PPP2CA: variants seen among roughly 807,000 people sequenced by gnomAD.
PPP2CA encodes protein phosphatase 2 catalytic subunit alpha.
Under a neutral mutation model 38.8 loss-of-function variants are expected in PPP2CA, and 5 were observed. That is an observed-to-expected ratio of 0.13 (90% CI 0.07 to 0.27). The LOEUF is 0.27. Among genes scored for constraint, PPP2CA ranks in the 10% least tolerant of loss-of-function variants. The pLI, the probability that PPP2CA is intolerant of heterozygous loss-of-function variation, is 1.00. For missense variants in PPP2CA, 88 were observed against 389.7 expected (o/e 0.23, Z 6.52); for synonymous variants, 152 against 134.0 (o/e 1.13, Z -0.93).
intron 1 of PPP2CA, among the ~76,000 whole-genome samples, chr5:134,219,258 A>C (rs1254052273): frequency 1.3e-5 from 2 of 152,244 alleles, no homozygotes; most frequent in Non-Finnish European, 2.9e-5. Flanking sequence ...CACGAGAATA[A>C]GGTAGTGCTT....
chr5:134,197,746 CA>C lies in PPP2CA; in HGVS notation c.*25del. 6.4e-7 allele frequency: 1 copy of C among 1,569,250 alleles called. No individual in the cohort carries two copies. Among genetic ancestry groups the C allele is most frequent in the Non-Finnish European group, 8.8e-7 (1 of 1,139,570 alleles). On this transcript the variant is annotated 3_prime_UTR_variant, in exon 7 of 7. Transcript: ENST00000481195. ...CATTAGGTCGATATATGGTTCATGG[CA>C]ATACTGTACAAGTTTAAAATTTCAT... is the stretch of plus-strand genomic sequence containing the variant.
chr5:134,212,274 C>A (rs964929254), intron 1 of PPP2CA, among the ~76,000 whole-genome samples: 1 of 152,162 alleles, frequency 6.6e-6, no homozygotes, highest in Non-Finnish European at 1.5e-5. Context: ...CATTTTCCCA[C>A]CAGCATGTGC....
intron 1 of PPP2CA, among the ~76,000 whole-genome samples, chr5:134,206,998 A>G (rs1333883359): frequency 1.3e-5 from 2 of 152,256 alleles, no homozygotes; most frequent in Non-Finnish European, 1.5e-5. Context: ...ACCACTTTAC[A>G]TAAGATACCA....
At chr5:134,204,477 A>G (rs1762035163) in intron 2 of PPP2CA, among the ~76,000 whole-genome samples, 1 of 152,058 alleles carries the variant, frequency 6.6e-6, no homozygotes, top group South Asian at 2.1e-4. Context: ...TTTGTTTTTT[A>G]AAGACACAGG....
chr5:134,205,737 C>T (rs1038810856), intron 2 of PPP2CA, 185 bp downstream of exon 2: 2 of 554,822 alleles, frequency 3.6e-6, no homozygotes, highest in Non-Finnish European at 6.4e-6. Flanking sequence ...TGTTTTGATT[C>T]TGTACCATCC....
intron 1 of PPP2CA, among the ~76,000 whole-genome samples, chr5:134,213,316 T>C (rs1762246510): frequency 6.6e-6 from 1 of 152,144 alleles, no homozygotes; most frequent in African/African-American, 2.4e-5. Flanking sequence ...CTACTACGCC[T>C]GTGCTCTAGA....
At chr5:134,203,495 C>T (rs1269937863) in intron 2 of PPP2CA, 1 of 152,212 alleles carries the variant, frequency 6.6e-6, no homozygotes, top group East Asian at 1.9e-4. Flanking sequence ...TTCTGATGGC[C>T]TCTCTCCTTG....
At chr5:134,216,967 G>C (rs1335610449) in intron 1 of PPP2CA, among the ~76,000 whole-genome samples, 1 of 152,156 alleles carries the variant, frequency 6.6e-6, no homozygotes, top group Non-Finnish European at 1.5e-5. Flanking sequence ...CTCCATTTTT[G>C]AAAGTAATTT....
Position 134,203,080 on chromosome 5 carries a change from T to C in PPP2CA, c.313-1059A>G, listed in dbSNP as rs968934543. 2.0e-5 allele frequency among the ~76,000 whole-genome samples: 3 copies of C among 152,354 alleles called. No homozygotes were observed. In the East Asian group the frequency reaches 5.8e-4, roughly 29 times the overall value. ...CATTTTACAATTATCTGTCTTGTTA[T>C]TGAGCTGTAAAAGTTTTTTTTTTTT... is the stretch of plus-strand genomic sequence containing the variant. On this transcript the variant is annotated intron_variant, in intron 2 of 6. Transcript: ENST00000481195.
chr5:134,199,413 C>A (rs1311252814), intron 5 of PPP2CA: 38 of 326,308 alleles, frequency 1.2e-4, no homozygotes, highest in East Asian at 1.4e-4. Context: ...CCCCTAATTA[C>A]AAAACTTGTT....
At chr5:134,215,904 T>C (rs1274992916) in intron 1 of PPP2CA, among the ~76,000 whole-genome samples, 1 of 152,194 alleles carries the variant, frequency 6.6e-6, no homozygotes, top group African/African-American at 2.4e-5. Context: ...ATCTTAGGAC[T>C]TGGGTACTCC....
chr5:134,224,952 T>C, intron 1 of PPP2CA, among the ~76,000 whole-genome samples: 1 of 152,250 alleles, frequency 6.6e-6, no homozygotes, highest in African/African-American at 2.4e-5. Flanking sequence ...TTCCATTTTA[T>C]GTTGTTCATT....
intron 2 of PPP2CA, among the ~76,000 whole-genome samples, chr5:134,205,388 CTTTTTT>C (rs5871528): frequency 1.4e-5 from 2 of 138,250 alleles, no homozygotes; most frequent in Non-Finnish European, 3.1e-5. Flanking sequence ...TTTTCTTTTC[CTTTTTT>C]TTTTTTTGAG....
At chr5:134,223,450 T>TA (rs1204868875) in intron 1 of PPP2CA, among the ~76,000 whole-genome samples, 1 of 152,256 alleles carries the variant, frequency 6.6e-6, no homozygotes, top group Non-Finnish European at 1.5e-5. Context: ...AATACTTACT[T>TA]ACCAGTTATA....
intron 6 of PPP2CA, 145 bp from the exon 7 acceptor site, chr5:134,197,989 C>G: frequency 1.5e-6 from 1 of 681,464 alleles, no homozygotes; most frequent in East Asian, 2.7e-5. Context: ...TGATAATGGT[C>G]TGTTAACTGT....
intron 2 of PPP2CA, among the ~76,000 whole-genome samples, chr5:134,204,176 T>C (rs556205504): frequency 1.1e-4 from 17 of 152,254 alleles, no homozygotes; most frequent in Non-Finnish European, 2.4e-4. Context: ...ACTGCTTCTC[T>C]AATATTAGGA....
chr5:134,218,590 G>T (rs1205875263), intron 1 of PPP2CA, among the ~76,000 whole-genome samples: 2 of 151,698 alleles, frequency 1.3e-5, no homozygotes, highest in East Asian at 3.9e-4. Context: ...AATACATCAT[G>T]AACAAGATTC....
At chr5:134,199,056 G>A (rs374656756) in intron 6 of PPP2CA, 30 bp downstream of exon 6, 1 of 1,510,430 alleles carries the variant, frequency 6.6e-7, no homozygotes. Context: ...ATTCAGTAAT[G>A]CAAGAAAATG....
At chr5:134,205,388 CT>C (rs5871528) in intron 2 of PPP2CA, among the ~76,000 whole-genome samples, 103,961 of 138,142 alleles carry the variant, frequency 0.75, 39,132 homozygotes, top group Non-Finnish European at 0.81. Context: ...TTTTCTTTTC[CT>C]TTTTTTTTTT....
Sources: gnomAD v4.1 joint callset for allele counts (sites outside exome capture counted in the v4.1 genomes callset) on GRCh38, gnomAD v4.1.1 for gene constraint, MANE v1.5 for transcripts, NCBI Gene and HGNC (gene_info 2026-07-23, HGNC 2026-07-21) for gene names.